The following CRTAC1 variants were observed in gnomAD, a reference collection of about 807,000 sequenced individuals.
The protein encoded by CRTAC1 is acidic secreted protein in cartilage.
In CRTAC1, 37 loss-of-function variants were observed where a neutral mutation model predicts 67.8. That is an observed-to-expected ratio of 0.55 (90% CI 0.42 to 0.72). The LOEUF is 0.72. CRTAC1 is among the 30% of genes least tolerant of loss of function. The pLI, the probability that CRTAC1 is intolerant of heterozygous loss-of-function variation, is 0.00. For missense variants in CRTAC1, 780 were observed against 931.6 expected, an observed-to-expected ratio of 0.84 and a Z score of 2.12; for synonymous variants, 348 against 371.0, an observed-to-expected ratio of 0.94 and a Z score of 0.71.
intron 2 of CRTAC1, among the ~76,000 whole-genome samples, chr10:97,983,174 C>G (rs1252647518): frequency 1.3e-5 from 2 of 152,194 alleles, no homozygotes; most frequent in Non-Finnish European, 2.9e-5. Flanking sequence ...TTGGAGAAAG[C>G]CCACCAGTAG....
At chr10:97,987,634 C>G (rs2052004520) in intron 2 of CRTAC1, among the ~76,000 whole-genome samples, 1 of 152,234 alleles carries the variant, frequency 6.6e-6, no homozygotes, top group Non-Finnish European at 1.5e-5. Context: ...TCTACATGCA[C>G]CTACTTTCCT....
At chr10:97,968,303 C>T (rs1008964708) in intron 2 of CRTAC1, among the ~76,000 whole-genome samples, 1 of 152,108 alleles carries the variant, frequency 6.6e-6, no homozygotes, top group African/African-American at 2.4e-5. Context: ...AGTGCAGTGG[C>T]ACTATTTTGG....
At chr10:97,986,154 G>A (rs1461950584) in intron 2 of CRTAC1, among the ~76,000 whole-genome samples, 2 of 152,180 alleles carry the variant, frequency 1.3e-5, no homozygotes, top group African/African-American at 4.8e-5. Context: ...GAGGGAGGCC[G>A]CTTGGGGATG....
At chr10:98,023,395 A>G (rs902281984) in intron 1 of CRTAC1, among the ~76,000 whole-genome samples, 6 of 152,058 alleles carry the variant, frequency 3.9e-5, no homozygotes, top group African/African-American at 1.4e-4. Flanking sequence ...ACATTCACTT[A>G]CTCATTTGTG....
intron 2 of CRTAC1, among the ~76,000 whole-genome samples, chr10:98,000,146 G>A (rs952458676): frequency 2.6e-5 from 4 of 152,188 alleles, no homozygotes; most frequent in African/African-American, 9.6e-5. Flanking sequence ...CGGGGTTGCA[G>A]GACAAGAACT....
At chr10:97,894,199 T>A (rs190245221) in intron 11 of CRTAC1, among the ~76,000 whole-genome samples, 2 of 152,334 alleles carry the variant, frequency 1.3e-5, no homozygotes, top group African/African-American at 2.4e-5. Context: ...TTTTCCAGTG[T>A]AGCTGTATCA....
intron 9 of CRTAC1, 28 bp downstream of exon 9, chr10:97,896,881 C>A (rs2050467464): frequency 1.9e-6 from 2 of 1,030,454 alleles, no homozygotes; most frequent in Non-Finnish European, 2.7e-6. Context: ...GGGGGCAGTG[C>A]AGGCCAGATC....
intron 2 of CRTAC1, among the ~76,000 whole-genome samples, chr10:97,977,706 T>C (rs2051829923): frequency 6.6e-6 from 1 of 152,178 alleles, no homozygotes; most frequent in South Asian, 2.1e-4. Context: ...CTTGGAAACA[T>C]AACTGAGAAA....
intron 2 of CRTAC1, among the ~76,000 whole-genome samples, chr10:97,986,318 C>T (rs2051983045): frequency 6.6e-6 from 1 of 152,198 alleles, no homozygotes. Flanking sequence ...GGGAGACCTT[C>T]CTTTAGTGGT....
chr10:97,883,942 C>A (rs2050247080), intron 12 of CRTAC1, among the ~76,000 whole-genome samples: 2 of 152,214 alleles, frequency 1.3e-5, no homozygotes, highest in Admixed American at 1.3e-4. Context: ...CCTCTCTTAA[C>A]CTCAGTTTTC....
At chr10:97,880,943 G>C (rs968311412) in intron 13 of CRTAC1, among the ~76,000 whole-genome samples, 1 of 152,122 alleles carries the variant, frequency 6.6e-6, no homozygotes, top group African/African-American at 2.4e-5. Context: ...TTTCACAGCA[G>C]AGCCTGTCCA....
At chr10:97,980,334 C>T (rs1431708329) in intron 2 of CRTAC1, among the ~76,000 whole-genome samples, 1 of 152,196 alleles carries the variant, frequency 6.6e-6, no homozygotes, top group South Asian at 2.1e-4. Flanking sequence ...TTTGGACCTG[C>T]CCTTGTACAT....
chr10:97,960,963 T>C (rs2051515814), intron 2 of CRTAC1, among the ~76,000 whole-genome samples: 1 of 152,254 alleles, frequency 6.6e-6, no homozygotes, highest in South Asian at 2.1e-4. Flanking sequence ...TGTTCTTTAA[T>C]TTTCAGATCC....
At chr10:97,905,294 T>C (rs1023897514) in intron 6 of CRTAC1, among the ~76,000 whole-genome samples, 1 of 152,160 alleles carries the variant, frequency 6.6e-6, no homozygotes. Flanking sequence ...CCTTATCTGG[T>C]CTTGATCTGG....
chr10:97,884,936 G>A (rs1213909755), intron 11 of CRTAC1, among the ~76,000 whole-genome samples: 1 of 152,230 alleles, frequency 6.6e-6, no homozygotes, highest in Non-Finnish European at 1.5e-5. Context: ...AACTGGCTTT[G>A]TTATCCCAGG....
chr10:97,919,166 G>A (rs998086429), intron 4 of CRTAC1, among the ~76,000 whole-genome samples: 2 of 152,108 alleles, frequency 1.3e-5, no homozygotes, highest in African/African-American at 4.8e-5. Flanking sequence ...TGGTGGGTGA[G>A]GCCAAGGAGG....
intron 1 of CRTAC1, among the ~76,000 whole-genome samples, chr10:98,022,361 GA>G (rs957720666): frequency 3.6e-5 from 5 of 140,274 alleles, no homozygotes; most frequent in South Asian, 2.3e-4. Flanking sequence ...TTCTCAAAAA[GA>G]AAAAAAAAGA....
chr10:98,005,081 C>CATATATATATATAT (rs1321278482), intron 2 of CRTAC1, among the ~76,000 whole-genome samples: 7 of 54,588 alleles, frequency 1.3e-4, no homozygotes, highest in African/African-American at 4.2e-4. Context: ...TAAAGTAATA[C>CATATATATATATAT]ATATATATAT....
At chr10:98,023,801 G>T (rs1316680815) in intron 1 of CRTAC1, among the ~76,000 whole-genome samples, 1 of 152,216 alleles carries the variant, frequency 6.6e-6, no homozygotes, top group Non-Finnish European at 1.5e-5. Context: ...ACGCTCCCAT[G>T]TGGGAAGGGA....
Sources: gnomAD v4.1 joint callset for allele counts (sites outside exome capture counted in the v4.1 genomes callset) on GRCh38, gnomAD v4.1.1 for gene constraint, MANE v1.5 for transcripts, NCBI Gene and HGNC (gene_info 2026-07-23, HGNC 2026-07-21) for gene names.